Variants in SYNDIG1 observed in about 807,000 individuals in gnomAD.
SYNDIG1 encodes synapse differentiation inducing 1.
SYNDIG1 carries 9 observed loss-of-function variants against 19.4 expected under a neutral mutation model. The observed-to-expected ratio is 0.46, with a 90% CI of 0.28 to 0.81. SYNDIG1 has a LOEUF of 0.81. Ranked by LOEUF, SYNDIG1 falls within the 30% of genes least tolerant of loss-of-function variation. The pLI is 0.12. For synonymous variants in SYNDIG1, 141 were observed against 145.9 expected, an observed-to-expected ratio of 0.97 and a Z score of 0.24; for missense variants, 311 against 343.3, an observed-to-expected ratio of 0.91 and a Z score of 0.74.
At chr20:24,543,658 C>A in intron 2 of SYNDIG1, 81 bp downstream of exon 2, 1 of 1,532,606 alleles carries the variant, frequency 6.5e-7, no homozygotes, top group Non-Finnish European at 8.7e-7. Context: ...GAATGCCTGG[C>A]AAAAGTTAGG....
chr20:24,534,725 A>T (rs2057328467), intron 1 of SYNDIG1, among the ~76,000 whole-genome samples: 1 of 152,066 alleles, frequency 6.6e-6, no homozygotes, highest in Admixed American at 6.6e-5. Context: ...GTCCCCAGCT[A>T]CACCCCCGCA....
chr20:24,627,510 G>A (rs545593540), intron 3 of SYNDIG1, among the ~76,000 whole-genome samples: 3 of 152,318 alleles, frequency 2.0e-5, no homozygotes, highest in African/African-American at 7.2e-5. Context: ...CTACCAAAAG[G>A]ATCATGCTGC....
rs768001570 is a variant in SYNDIG1 at position 24,543,476 on chromosome 20, G to T, written c.379G>T (p.Glu127Ter). The change falls in exon 2 of 4, where the codon GAG (glutamate) becomes TAG (stop). Residue 127 changes from glutamate to a stop codon, truncating the protein, a stop_gained. Transcript: ENST00000376862. LOFTEE classifies it high-confidence loss of function. ...EDRSPTKDSL[E>*]YPDGKFIDLS... is the part of the protein sequence containing the mutation. ...CCGGTCGCCCACCAAAGACAGCCTC[G>T]AGTACCCGGATGGGAAGTTCATTGA... 1 of 1,613,188 alleles carries T rather than the reference G, an allele frequency of 6.2e-7. No individual in the cohort carries two copies. The highest frequency in any genetic ancestry group is 1.1e-5 in the South Asian group (1 of 91,052).
intron 1 of SYNDIG1, among the ~76,000 whole-genome samples, chr20:24,527,277 C>T (rs143345332): frequency 0.021 from 3,199 of 152,212 alleles, 43 homozygotes; most frequent in Middle Eastern, 0.041. Context: ...GTCTATTCTG[C>T]TGTTTAGATT....
At chr20:24,617,928 C>T (rs2058967123) in intron 3 of SYNDIG1, among the ~76,000 whole-genome samples, 1 of 128,704 alleles carries the variant, frequency 7.8e-6, no homozygotes, top group Non-Finnish European at 1.6e-5. Context: ...GCGGGAGAGC[C>T]CGGGGAGTGG....
At position 24,665,415 on chromosome 20, in the gene SYNDIG1, G is replaced by T. The variant is rs1281335697; in HGVS notation, c.688G>T (p.Ala230Ser). ...STSSRRALFL[A>S]VLSITIGTGV... is the part of the protein sequence containing the mutation. ...CAGCTCCCGGCGGGCCCTATTCCTG[G>T]CAGTGCTGTCCATCACCATTGGGAC... Residue 230 changes from alanine to serine, a missense_variant, in exon 4 of 4, where the codon GCA (alanine) becomes TCA (serine). By Grantham distance (99) the Ala-to-Ser change is moderately conservative. Coordinates refer to ENST00000376862, the MANE Select transcript of SYNDIG1 (RefSeq NM_024893.3). The T allele has an allele frequency of 6.2e-7, 1 of 1,613,218 alleles. No individual in the cohort carries two copies. Among genetic ancestry groups the T allele is most frequent in the Admixed American group, 1.7e-5 (1 of 59,800 alleles).
intron 3 of SYNDIG1, among the ~76,000 whole-genome samples, chr20:24,628,638 A>C (rs2059194528): frequency 6.6e-6 from 1 of 152,176 alleles, no homozygotes; most frequent in African/African-American, 2.4e-5. Context: ...TCTGCTCCCC[A>C]CCCAATCAAA....
At chr20:24,513,181 C>A (rs1196866874) in intron 1 of SYNDIG1, among the ~76,000 whole-genome samples, 1 of 152,176 alleles carries the variant, frequency 6.6e-6, no homozygotes. Context: ...GGGTAAAAAA[C>A]AGAGCAGAAA....
At chr20:24,581,686 C>G (rs1477789169) in intron 2 of SYNDIG1, among the ~76,000 whole-genome samples, 1 of 152,032 alleles carries the variant, frequency 6.6e-6, no homozygotes, top group Non-Finnish European at 1.5e-5. Context: ...ATGGGGCAAG[C>G]CTTCCACACT....
rs1047939358 is a variant in SYNDIG1 at position 24,543,056 on chromosome 20, T to G, written c.-42T>G. 3 of 1,588,240 alleles carry G rather than the reference T, an allele frequency of 1.9e-6. No homozygotes were observed. Among genetic ancestry groups the G allele is most frequent in the Non-Finnish European group, 1.7e-6 (2 of 1,164,306 alleles). ...TCCCTGAGGCAAGTGTAACCTACAT[T>G]CCCAGCCCACCAGCCTGACGCCCAG... On this transcript the variant is annotated 5_prime_UTR_variant, in exon 2 of 4. It adds an upstream start codon to the 5' untranslated region. Coordinates refer to ENST00000376862, the MANE Select transcript of SYNDIG1 (RefSeq NM_024893.3).
At chr20:24,637,946 G>A (rs185778648) in intron 3 of SYNDIG1, among the ~76,000 whole-genome samples, 30 of 152,348 alleles carry the variant, frequency 2.0e-4, no homozygotes. Flanking sequence ...AAACTGCTGC[G>A]ACCTGGAGGG....
rs576812959 is a variant in SYNDIG1 at position 24,626,484 on chromosome 20, C to G, written c.619-38862C>G. On this transcript the variant is annotated intron_variant, in intron 3 of 3. Coordinates refer to ENST00000376862, the MANE Select transcript of SYNDIG1 (RefSeq NM_024893.3). ...CCCCACATCTCAGACGATGGGCGGC[C>G]GGGCAGAGACGCTTCTCACTTCCTA... 2.0e-4 allele frequency among the ~76,000 whole-genome samples: 31 copies of G among 151,914 alleles called. 1 individual carries two copies. The highest frequency in any genetic ancestry group is 7.0e-4 in the African/African-American group (29 of 41,416).
At chr20:24,653,921 A>G (rs2059498119) in intron 3 of SYNDIG1, among the ~76,000 whole-genome samples, 1 of 152,176 alleles carries the variant, frequency 6.6e-6, no homozygotes, top group Admixed American at 6.5e-5. Context: ...CCATCCTAAC[A>G]ATGCCATTTA....
intron 3 of SYNDIG1, among the ~76,000 whole-genome samples, chr20:24,631,377 A>G (rs560986759): frequency 3.4e-4 from 52 of 152,250 alleles, no homozygotes; most frequent in Middle Eastern, 3.4e-3. Flanking sequence ...GCCTCTCAGG[A>G]CCGCGGAAGG....
intron 2 of SYNDIG1, among the ~76,000 whole-genome samples, chr20:24,546,269 T>C (rs1470601911): frequency 1.3e-5 from 2 of 152,222 alleles, no homozygotes; most frequent in Admixed American, 6.5e-5. Flanking sequence ...TGTTCTTTGG[T>C]TTACTGTTTT....
intron 3 of SYNDIG1, among the ~76,000 whole-genome samples, chr20:24,596,590 G>A (rs1229971357): frequency 7.0e-6 from 1 of 143,390 alleles, no homozygotes; most frequent in Non-Finnish European, 1.5e-5. Context: ...TGTTGCCTAG[G>A]CTAGCCTCGA....
intron 1 of SYNDIG1, among the ~76,000 whole-genome samples, chr20:24,541,599 T>G (rs1212008450): frequency 6.6e-6 from 1 of 152,124 alleles, no homozygotes; most frequent in Admixed American, 6.6e-5. Context: ...ACTCCCAGTC[T>G]TATAAGATGA....
intron 3 of SYNDIG1, among the ~76,000 whole-genome samples, chr20:24,596,420 C>G (rs1019516489): frequency 6.6e-6 from 1 of 151,948 alleles, no homozygotes; most frequent in African/African-American, 2.4e-5. Flanking sequence ...ACTCTGTCAC[C>G]CAGGCTGTAG....
At chr20:24,630,958 T>C (rs1467291080) in intron 3 of SYNDIG1, among the ~76,000 whole-genome samples, 1 of 152,178 alleles carries the variant, frequency 6.6e-6, no homozygotes, top group Non-Finnish European at 1.5e-5. Flanking sequence ...CATGATGATT[T>C]GGGTCTGAAA....
Sources: allele counts gnomAD v4.1 joint callset (sites outside exome capture counted in the v4.1 genomes callset), GRCh38; gene constraint gnomAD v4.1.1; transcripts MANE v1.5; gene names NCBI Gene and HGNC (gene_info 2026-07-23, HGNC 2026-07-21).